WARS2: variants seen among roughly 807,000 people sequenced by gnomAD.
WARS2 encodes the protein tryptophan--tRNA ligase, mitochondrial.
In WARS2, 28 loss-of-function variants were observed where a neutral mutation model predicts 36.5. That is an observed-to-expected ratio of 0.77 (90% CI 0.57 to 1.05). The LOEUF (loss-of-function observed/expected upper bound fraction) is 1.05. Ranked by LOEUF, WARS2 falls within the 50% of genes least tolerant of loss-of-function variation. WARS2 has a pLI of 0.00. For missense variants in WARS2, 435 were observed against 456.8 expected (o/e 0.95, Z 0.44); for synonymous variants, 174 against 178.4 (o/e 0.98, Z 0.20).
chr1:119,135,761 G>GAT (rs765791930), intron 1 of WARS2, among the ~76,000 whole-genome samples: 129 of 87,164 alleles, frequency 1.5e-3, no homozygotes, highest in Middle Eastern at 5.2e-3. Flanking sequence ...TAGAGAGATA[G>GAT]AGAGAGAGAG....
chr1:119,076,909 G>C (rs1651785513), intron 1 of WARS2, among the ~76,000 whole-genome samples: 1 of 152,120 alleles, frequency 6.6e-6, no homozygotes, highest in African/African-American at 2.4e-5. Context: ...GGAGGCTGAA[G>C]AGGGTGGATC....
At chr1:119,131,902 T>A (rs1021710934) in intron 1 of WARS2, among the ~76,000 whole-genome samples, 4 of 150,178 alleles carry the variant, frequency 2.7e-5, no homozygotes, top group African/African-American at 9.8e-5. Context: ...GGGGGTGTGG[T>A]GGGGGGCGGG....
At chr1:119,135,715 C>CATAT (rs1553183253) in intron 1 of WARS2, among the ~76,000 whole-genome samples, 10 of 146,966 alleles carry the variant, frequency 6.8e-5, no homozygotes, top group African/African-American at 1.3e-4. Flanking sequence ...ATTAGATAGA[C>CATAT]AGATAGATAG....
intron 1 of WARS2, among the ~76,000 whole-genome samples, chr1:119,081,471 C>T (rs1187783437): frequency 1.3e-5 from 2 of 152,186 alleles, no homozygotes; most frequent in African/African-American, 4.8e-5. Flanking sequence ...ATTGTTCATT[C>T]ATCACACTTG....
rs570307288 is a variant in WARS2 at position 119,056,341 on chromosome 1, C to T, written c.349-10679G>A. On this transcript the variant is annotated intron_variant, in intron 2 of 5. Coordinates refer to ENST00000235521, the MANE Select transcript of WARS2 (RefSeq NM_015836.4). ...CATGAGCCATCACGCCTGGCCCATA[C>T]CAATTTTTTAGCTGCAGTAAACTAC... Among the ~76,000 whole-genome samples the T allele has an allele frequency of 6.0e-5, 9 of 151,160 alleles. No individual in the cohort carries two copies. The South Asian group carries it at 1.9e-3, about 32-fold the overall frequency.
At chr1:119,048,049 G>C (rs1295154602) in intron 2 of WARS2, among the ~76,000 whole-genome samples, 2 of 152,240 alleles carry the variant, frequency 1.3e-5, no homozygotes, top group African/African-American at 2.4e-5. Flanking sequence ...AATAGCAAAG[G>C]CTGTAAAAAG....
At chr1:119,065,538 G>A (rs186615375) in intron 2 of WARS2, among the ~76,000 whole-genome samples, 46 of 151,146 alleles carry the variant, frequency 3.0e-4, no homozygotes, top group Admixed American at 2.8e-3. Context: ...GGGAGGCTGA[G>A]GCATGAGAAT....
intron 4 of WARS2, among the ~76,000 whole-genome samples, chr1:119,034,961 C>A (rs1647745816): frequency 6.6e-6 from 1 of 152,138 alleles, no homozygotes; most frequent in Non-Finnish European, 1.5e-5. Context: ...ATTGTAGCTG[C>A]TTCTAGAGAA....
chr1:119,086,948 G>A (rs983020369), intron 1 of WARS2, among the ~76,000 whole-genome samples: 8 of 151,952 alleles, frequency 5.3e-5, no homozygotes, highest in South Asian at 2.1e-4. Flanking sequence ...TCTTTTCTGC[G>A]TGGGGAACTC....
chr1:119,117,665 C>T (rs768974537), intron 1 of WARS2, among the ~76,000 whole-genome samples: 20 of 152,184 alleles, frequency 1.3e-4, no homozygotes, highest in African/African-American at 2.2e-4. Flanking sequence ...AAACTACAAC[C>T]GAGGACTTCC....
At chr1:119,085,123 C>T (rs1571336565) in intron 1 of WARS2, 6 of 782,456 alleles carry the variant, frequency 7.7e-6, no homozygotes, top group Middle Eastern at 2.7e-4. Context: ...TCAGAACGCC[C>T]GTTGTACGGG....
intron 5 of WARS2, 99 bp downstream of exon 5, chr1:119,033,992 CAAGA>C: frequency 1.0e-6 from 1 of 959,564 alleles, no homozygotes; most frequent in Non-Finnish European, 1.6e-6. Context: ...AGCCTGTCTA[CAAGA>C]AAGCTGAGGT....
At chr1:119,056,011 CTTTT>C (rs35376461) in intron 2 of WARS2, among the ~76,000 whole-genome samples, 2 of 127,212 alleles carry the variant, frequency 1.6e-5, no homozygotes, top group Non-Finnish European at 3.3e-5. Context: ...CATACCATAA[CTTTT>C]TTTTTTTTTT....
intron 1 of WARS2, among the ~76,000 whole-genome samples, chr1:119,092,218 T>C (rs1285122066): frequency 1.3e-5 from 2 of 152,156 alleles, no homozygotes; most frequent in African/African-American, 4.8e-5. Context: ...AGTAAGATAG[T>C]TGTTTGCCTA....
chr1:119,126,732 C>T, intron 1 of WARS2: 3 of 733,738 alleles, frequency 4.1e-6, no homozygotes. Context: ...AATAGATTGG[C>T]AAGCCTTTTC....
At chr1:119,085,944 A>G in intron 1 of WARS2, 1 of 1,610,356 alleles carries the variant, frequency 6.2e-7, no homozygotes, top group Non-Finnish European at 8.5e-7. Flanking sequence ...CACCTTAGTT[A>G]AAGGGTTCAT....
intron 2 of WARS2, among the ~76,000 whole-genome samples, chr1:119,073,026 A>G (rs1159638361): frequency 6.6e-6 from 1 of 151,992 alleles, no homozygotes; most frequent in African/African-American, 2.4e-5. Context: ...ATACACCTGT[A>G]GTCCTAGCTA....
chr1:119,107,643 C>T (rs1471293934), intron 1 of WARS2, among the ~76,000 whole-genome samples: 3 of 150,998 alleles, frequency 2.0e-5, no homozygotes, highest in African/African-American at 7.4e-5. Flanking sequence ...GATGAATGCA[C>T]TCTTATAGTT....
intron 2 of WARS2, among the ~76,000 whole-genome samples, chr1:119,056,057 T>A (rs1024257914): frequency 2.0e-5 from 3 of 149,526 alleles, no homozygotes; most frequent in Non-Finnish European, 4.4e-5. Flanking sequence ...GTTTCTCTGC[T>A]GTCCAGGCTG....
Sources: gnomAD v4.1 joint callset for allele counts (sites outside exome capture counted in the v4.1 genomes callset) on GRCh38, gnomAD v4.1.1 for gene constraint, MANE v1.5 for transcripts, NCBI Gene and HGNC (gene_info 2026-07-23, HGNC 2026-07-21) for gene names.